TPRG1: variants seen among roughly 807,000 people sequenced by gnomAD.
TPRG1 encodes tumor protein p63-regulated gene 1 protein.
In TPRG1, 29 loss-of-function variants were observed where a neutral mutation model predicts 29.3. The observed-to-expected ratio is 0.99, with a 90% confidence interval of 0.74 to 1.35. TPRG1 has a LOEUF of 1.35. Ranked by LOEUF, TPRG1 falls within the 40% of genes most tolerant of loss-of-function variation. TPRG1 has a pLI of 0.00. For synonymous variants in TPRG1, 130 were observed against 116.8 expected (o/e 1.11, Z -0.73); for missense variants, 327 against 335.0 (o/e 0.98, Z 0.19).
intron 3 of TPRG1, among the ~76,000 whole-genome samples, chr3:189,145,358 C>T (rs1578524284): frequency 2.9e-5 from 2 of 69,664 alleles, no homozygotes; most frequent in South Asian, 1.2e-3. Flanking sequence ...GAGACTCCAT[C>T]TAAAAAAAAA....
intron 2 of TPRG1, among the ~76,000 whole-genome samples, chr3:189,130,306 TC>T (rs1722963212): frequency 6.6e-6 from 1 of 152,208 alleles, no homozygotes; most frequent in African/African-American, 2.4e-5. Flanking sequence ...GATCCATGAT[TC>T]CTTTCTGCCT....
At chr3:189,024,514 G>A (rs565381375) in intron 4 of TPRG1, among the ~76,000 whole-genome samples, 241 of 152,328 alleles carry the variant, frequency 1.6e-3, no homozygotes, top group Middle Eastern at 0.014. Context: ...AGTGGACTGG[G>A]GTCTTGTTTA....
intron 4 of TPRG1, among the ~76,000 whole-genome samples, chr3:189,078,045 T>TC (rs1291834835): frequency 2.5e-4 from 36 of 146,356 alleles, no homozygotes; most frequent in African/African-American, 9.5e-4. Context: ...CCTTCCTTCC[T>TC]TCCTTCCTTC....
chr3:189,154,530 C>T (rs555328406), intron 5 of TPRG1, among the ~76,000 whole-genome samples: 1 of 151,774 alleles, frequency 6.6e-6, no homozygotes, highest in East Asian at 1.9e-4. Flanking sequence ...CAACCTCCAC[C>T]TCCCAGATTC....
chr3:189,285,691 G>A (rs75606154), intron 4 of TPRG1, among the ~76,000 whole-genome samples: 2,787 of 152,170 alleles, frequency 0.018, 80 homozygotes, highest in African/African-American at 0.064. Context: ...ATTCTTTAAG[G>A]TGGGTAGTAA....
intron 4 of TPRG1, among the ~76,000 whole-genome samples, chr3:189,071,447 A>C (rs1298949331): frequency 6.6e-6 from 1 of 152,184 alleles, no homozygotes; most frequent in East Asian, 1.9e-4. Flanking sequence ...AGCAATGCAG[A>C]GGTATTTATC....
intron 1 of TPRG1, among the ~76,000 whole-genome samples, chr3:189,182,098 C>T (rs1344799425): frequency 6.6e-6 from 1 of 152,194 alleles, no homozygotes; most frequent in African/African-American, 2.4e-5. Flanking sequence ...CACTGGGTTC[C>T]TCCCACAACA....
chr3:189,110,569 T>A (rs1409631966), intron 1 of TPRG1, among the ~76,000 whole-genome samples: 1 of 152,064 alleles, frequency 6.6e-6, no homozygotes, highest in African/African-American at 2.4e-5. Context: ...AAAAAAAAAT[T>A]TGGCTTAGAC....
intron 3 of TPRG1, among the ~76,000 whole-genome samples, chr3:189,133,067 A>G (rs1723286598): frequency 6.6e-6 from 1 of 152,210 alleles, no homozygotes; most frequent in Non-Finnish European, 1.5e-5. Flanking sequence ...GTCTTGATGA[A>G]TGGTCTACCA....
intron 5 of TPRG1, among the ~76,000 whole-genome samples, chr3:189,159,564 G>A (rs183268308): frequency 2.0e-5 from 3 of 152,206 alleles, no homozygotes; most frequent in South Asian, 2.1e-4. Flanking sequence ...ACTATCTAAC[G>A]CAGCAATATT....
intron 4 of TPRG1, among the ~76,000 whole-genome samples, chr3:189,087,892 C>A (rs111493509): frequency 0.014 from 2,070 of 152,262 alleles, 46 homozygotes; most frequent in African/African-American, 0.045. Flanking sequence ...TGGTACCATG[C>A]TGTTTTGGTT....
chr3:189,314,621 T>C (rs1332136327), intron 5 of TPRG1, among the ~76,000 whole-genome samples: 2 of 152,188 alleles, frequency 1.3e-5, no homozygotes, highest in East Asian at 3.8e-4. Flanking sequence ...TAGTTTGTGT[T>C]ACTCATATAA....
chr3:189,036,977 T>C (rs1276485478), intron 4 of TPRG1, among the ~76,000 whole-genome samples: 1 of 149,806 alleles, frequency 6.7e-6, no homozygotes, highest in Non-Finnish European at 1.5e-5. Context: ...CCATTCTTAC[T>C]CCTACTCCTG....
At chr3:189,194,842 G>A (rs923488682) in intron 1 of TPRG1, among the ~76,000 whole-genome samples, 13 of 152,156 alleles carry the variant, frequency 8.5e-5, no homozygotes, top group African/African-American at 2.7e-4. Context: ...GAACGGTGGA[G>A]CATGGCTATT....
chr3:189,271,105 A>T (rs1048163613), intron 4 of TPRG1, among the ~76,000 whole-genome samples: 2 of 152,222 alleles, frequency 1.3e-5, no homozygotes, highest in Non-Finnish European at 2.9e-5. Flanking sequence ...GCCCACTAGA[A>T]TGTGAAGTCA....
upstream of TPRG1, among the ~76,000 whole-genome samples, chr3:189,096,772 T>A (rs995907327): frequency 3.3e-5 from 5 of 152,246 alleles, no homozygotes; most frequent in Admixed American, 2.6e-4. Context: ...GACATAAGTA[T>A]ATTCAATCTG....
chr3:189,245,887 T>C (rs1003531536), intron 4 of TPRG1, among the ~76,000 whole-genome samples: 2 of 152,174 alleles, frequency 1.3e-5, no homozygotes, highest in Non-Finnish European at 2.9e-5. Context: ...TCTGGTGAAT[T>C]GAGCCTTTTT....
intron 4 of TPRG1, among the ~76,000 whole-genome samples, chr3:189,260,055 G>A (rs1712721928): frequency 6.6e-6 from 1 of 152,160 alleles, no homozygotes; most frequent in African/African-American, 2.4e-5. Flanking sequence ...ACCTTGTTCT[G>A]AAGTCGGGCT....
intron 1 of TPRG1, among the ~76,000 whole-genome samples, chr3:189,199,079 A>T (rs149813227): frequency 1.5e-3 from 226 of 152,304 alleles, no homozygotes; most frequent in African/African-American, 5.2e-3. Flanking sequence ...ACTGGGTGAG[A>T]TGCCCAGCTC....
Sources: allele counts gnomAD v4.1 joint callset (sites outside exome capture counted in the v4.1 genomes callset), GRCh38; gene constraint gnomAD v4.1.1; transcripts MANE v1.5; gene names NCBI Gene and HGNC (gene_info 2026-07-23, HGNC 2026-07-21).